MAMDC2: variants seen among roughly 807,000 people sequenced by gnomAD.
MAMDC2 encodes the protein MAM domain containing 2.
In MAMDC2, 57 loss-of-function variants were observed where a neutral mutation model predicts 89.8. The ratio of observed to expected loss-of-function variants is 0.63; its 90% CI spans 0.51 to 0.79. The LOEUF is 0.79. MAMDC2 is among the 30% of genes least tolerant of loss of function. The pLI is 0.00. For missense variants in MAMDC2, 800 were observed against 820.6 expected, an observed-to-expected ratio of 0.97 and a Z score of 0.31; for synonymous variants, 313 against 293.4, an observed-to-expected ratio of 1.07 and a Z score of -0.68.
At chr9:70,074,498 G>A (rs1288351577) in intron 2 of MAMDC2, among the ~76,000 whole-genome samples, 5 of 152,234 alleles carry the variant, frequency 3.3e-5, no homozygotes, top group Non-Finnish European at 7.3e-5. Context: ...CCAGTGTGCA[G>A]AGGCTGCAGT....
intron 6 of MAMDC2, among the ~76,000 whole-genome samples, chr9:70,131,087 C>T (rs2030786407): frequency 6.6e-6 from 1 of 152,158 alleles, no homozygotes; most frequent in South Asian, 2.1e-4. Flanking sequence ...ATTGGCAGAT[C>T]TGGCGTCTGC....
chr9:70,218,493 A>G lies in MAMDC2; in HGVS notation c.1808A>G (p.Lys603Arg), dbSNP rs1564004254. ...GTGLLSVYLKKEEDSEESLLW... is the reference protein window; with the variant it reads ...GTGLLSVYLKREEDSEESLLW... ...GGCCTGCTGAGTGTTTATCTGAAAAAGGAAGAAGACAGTGAAGAGTCCCTC... is the reference window on the plus strand; with the variant it reads ...GGCCTGCTGAGTGTTTATCTGAAAAGGGAAGAAGACAGTGAAGAGTCCCTC... The change falls in exon 12 of 14, where the codon AAG (lysine) becomes AGG (arginine). Residue 603 changes from lysine to arginine, a missense_variant. Physicochemically the swap from Lys to Arg is conservative, Grantham distance 26 (BLOSUM62 2). Transcript: ENST00000377182. The G allele has an allele frequency of 1.9e-6, 3 of 1,614,228 alleles. No homozygotes were observed. In the Admixed American group the frequency reaches 5.0e-5, roughly 27 times the overall value.
At chr9:70,132,012 T>C (rs1048449504) in intron 7 of MAMDC2, among the ~76,000 whole-genome samples, 1 of 152,224 alleles carries the variant, frequency 6.6e-6, no homozygotes, top group African/African-American at 2.4e-5. Context: ...AAAAACGCTT[T>C]CCAACTGTAT....
At chr9:70,217,346 G>A in intron 11 of MAMDC2, 1 of 1,384,922 alleles carries the variant, frequency 7.2e-7, no homozygotes, top group Non-Finnish European at 1.0e-6. Flanking sequence ...CAGATAAACT[G>A]GACTGTCCTC....
At chr9:70,054,370 G>A (rs958602233) in intron 2 of MAMDC2, among the ~76,000 whole-genome samples, 3 of 152,148 alleles carry the variant, frequency 2.0e-5, no homozygotes, top group Admixed American at 2.0e-4. Context: ...AACCGGGCAT[G>A]TATGAGAAGA....
chr9:70,182,935 G>A (rs188444430), intron 11 of MAMDC2, among the ~76,000 whole-genome samples: 22 of 152,198 alleles, frequency 1.4e-4, no homozygotes, highest in Admixed American at 5.9e-4. Flanking sequence ...TTTTAATTGT[G>A]ATGTTAGGGT....
intron 12 of MAMDC2, among the ~76,000 whole-genome samples, chr9:70,220,951 T>C (rs1430168018): frequency 1.3e-5 from 2 of 152,112 alleles, no homozygotes; most frequent in South Asian, 4.1e-4. Context: ...TTATCACTGT[T>C]CTACCAATAT....
intron 3 of MAMDC2, 26 bp downstream of exon 3, chr9:70,108,508 T>C (rs1311464994): frequency 4.5e-6 from 7 of 1,541,140 alleles, no homozygotes; most frequent in Non-Finnish European, 5.2e-6. Flanking sequence ...GAGAAAGATA[T>C]AAGGCCTATT....
intron 9 of MAMDC2, among the ~76,000 whole-genome samples, chr9:70,158,744 AAT>A (rs1159076747): frequency 1.3e-5 from 2 of 150,460 alleles, no homozygotes; most frequent in Non-Finnish European, 3.0e-5. Context: ...GATATCATAG[AAT>A]ATTTATACAA....
At chr9:70,061,066 T>C (rs1220739566) in intron 2 of MAMDC2, among the ~76,000 whole-genome samples, 1 of 152,180 alleles carries the variant, frequency 6.6e-6, no homozygotes, top group East Asian at 1.9e-4. Flanking sequence ...GCACAGTGTG[T>C]TGCATTTCTA....
At chr9:70,220,283 T>G (rs1587583443) in intron 12 of MAMDC2, among the ~76,000 whole-genome samples, 2 of 152,124 alleles carry the variant, frequency 1.3e-5, no homozygotes, top group South Asian at 4.2e-4. Flanking sequence ...ATTTGAAATG[T>G]TTTTTGAGTA....
chr9:70,126,608 T>C (rs2030563734), intron 6 of MAMDC2, among the ~76,000 whole-genome samples, 193 bp downstream of exon 6: 1 of 152,180 alleles, frequency 6.6e-6, no homozygotes, highest in African/African-American at 2.4e-5. Context: ...GCCTGCCTCC[T>C]TTATCACCTT....
chr9:70,162,489 T>C lies in MAMDC2; in HGVS notation c.1405-6213T>C, dbSNP rs140473222. On this transcript the variant is annotated intron_variant, in intron 9 of 13. Transcript: ENST00000377182. ...TCTACTTTTTCTTTCCTGGGTACTT[T>C]TGTTTTGTTTTGTTTTTTTAAGACA... Among the ~76,000 whole-genome samples, 735 of 135,042 alleles carry C rather than the reference T, an allele frequency of 5.4e-3. 13 individuals are homozygous for C. Among genetic ancestry groups the C allele is most frequent in the African/African-American group, 0.017 (685 of 40,412 alleles). The allele number at this position is 135,042 out of a possible 152,430, so 88.6% of individuals were successfully genotyped here. A position where few individuals can be genotyped will look rare whatever the true frequency, so the allele number is the denominator to read the frequency against.
At chr9:70,079,202 A>C (rs1215088522) in intron 2 of MAMDC2, 2 of 152,116 alleles carry the variant, frequency 1.3e-5, no homozygotes, top group African/African-American at 4.8e-5. Flanking sequence ...CTCCACCCCA[A>C]GGGGAAGCCC....
intron 11 of MAMDC2, among the ~76,000 whole-genome samples, chr9:70,210,120 G>C (rs2118661886): frequency 6.6e-6 from 1 of 152,074 alleles, no homozygotes; most frequent in Non-Finnish European, 1.5e-5. Context: ...TGTCGATTTG[G>C]GGTGGAGAGT....
At chr9:70,125,767 T>A (rs990944197) in intron 5 of MAMDC2, among the ~76,000 whole-genome samples, 1 of 152,236 alleles carries the variant, frequency 6.6e-6, no homozygotes, top group Non-Finnish European at 1.5e-5. Context: ...CAGAGTCTTA[T>A]GACTCAAATA....
At chr9:70,044,809 A>G in intron 2 of MAMDC2, 112 bp downstream of exon 2, 1 of 833,510 alleles carries the variant, frequency 1.2e-6, no homozygotes, top group Non-Finnish European at 1.9e-6. Flanking sequence ...CGGCAAGAAA[A>G]GTGTGAGTCA....
At chr9:70,084,741 A>G (rs1257217885) in intron 2 of MAMDC2, among the ~76,000 whole-genome samples, 1 of 152,120 alleles carries the variant, frequency 6.6e-6, no homozygotes, top group East Asian at 1.9e-4. Context: ...GGCAAGTACA[A>G]CCAAAGGATG....
At chr9:70,132,089 T>C (rs548783650) in intron 7 of MAMDC2, among the ~76,000 whole-genome samples, 10 of 152,330 alleles carry the variant, frequency 6.6e-5, no homozygotes, top group African/African-American at 2.2e-4. Flanking sequence ...CTCTAGATAG[T>C]TTTAGCTAAA....
Sources: allele counts gnomAD v4.1 joint callset (sites outside exome capture counted in the v4.1 genomes callset), GRCh38; gene constraint gnomAD v4.1.1; transcripts MANE v1.5; gene names NCBI Gene and HGNC (gene_info 2026-07-23, HGNC 2026-07-21).